The following LARGE1 variants were observed in gnomAD, a reference collection of about 807,000 sequenced individuals.
LARGE1 encodes the protein xylosyl- and glucuronyltransferase LARGE1.
Under a neutral mutation model 87.6 loss-of-function variants are expected in LARGE1, and 43 were observed. The observed-to-expected ratio is 0.49, with a 90% CI of 0.38 to 0.63. The LOEUF is 0.63. Ranked by LOEUF, LARGE1 falls within the 30% of genes least tolerant of loss-of-function variation. LARGE1 has a pLI of 0.00. For missense variants in LARGE1, 802 were observed against 1,000.2 expected (o/e 0.80, Z 2.67); for synonymous variants, 434 against 394.6 (o/e 1.10, Z -1.18).
chr22:33,586,944 TTAA>T (rs2078695994), intron 5 of LARGE1, among the ~76,000 whole-genome samples: 1 of 152,218 alleles, frequency 6.6e-6, no homozygotes, highest in Non-Finnish European at 1.5e-5. Context: ...AGGTAACATA[TTAA>T]ACACTGTCAT....
chr22:33,235,438 G>T (rs1032081345), intron 11 of LARGE1, among the ~76,000 whole-genome samples: 1 of 152,218 alleles, frequency 6.6e-6, no homozygotes, highest in South Asian at 2.1e-4. Flanking sequence ...GGAAGAGTTA[G>T]TTCCAAGGCC....
At chr22:33,547,053 C>CA (rs1311192238) in intron 6 of LARGE1, among the ~76,000 whole-genome samples, 1 of 118,772 alleles carries the variant, frequency 8.4e-6, no homozygotes, top group Non-Finnish European at 2.0e-5. Flanking sequence ...CCTTTTTAAG[C>CA]ATTTTTTTTT....
intron 5 of LARGE1, among the ~76,000 whole-genome samples, chr22:33,566,483 G>T (rs1329339372): frequency 6.6e-6 from 1 of 152,190 alleles, no homozygotes; most frequent in East Asian, 1.9e-4. Flanking sequence ...TCCTTCCGGG[G>T]GGTTCTTGGT....
At chr22:33,219,880 T>C (rs1274826637) in intron 11 of LARGE1, among the ~76,000 whole-genome samples, 1 of 152,084 alleles carries the variant, frequency 6.6e-6, no homozygotes, top group African/African-American at 2.4e-5. Flanking sequence ...TCCCCCACTG[T>C]CACAAGGGAC....
the LARGE1 span, among the ~76,000 whole-genome samples, chr22:33,080,912 A>G: frequency 6.6e-6 from 1 of 151,850 alleles, no homozygotes; most frequent in Non-Finnish European, 1.5e-5. Context: ...TCATCCATCC[A>G]TCCATCTATC....
intron 7 of LARGE1, among the ~76,000 whole-genome samples, chr22:33,419,208 AC>A (rs2066607391): frequency 6.6e-6 from 1 of 151,902 alleles, no homozygotes; most frequent in Non-Finnish European, 1.5e-5. Context: ...TCTCAGGAGA[AC>A]TCACTATCAC....
rs574822580 is a variant in LARGE1, at chr22:33,515,093, C to T, written c.787+49755G>A. ...AGAAAACAGTAGAGCCAAGAATGAA[C>T]CCCTCCCATTTCAGCAGGTGTAGCT... On this transcript the variant is annotated intron_variant, in intron 6 of 14. Coordinates refer to ENST00000397394, the MANE Select transcript of LARGE1 (RefSeq NM_133642.5). Among the ~76,000 whole-genome samples the T allele has an allele frequency of 2.0e-4, 31 of 151,320 alleles. No individual in the cohort carries two copies. The South Asian group carries it at 6.1e-3, about 30-fold the overall frequency.
chr22:33,242,051 A>G (rs183712384), intron 11 of LARGE1, among the ~76,000 whole-genome samples: 132 of 152,306 alleles, frequency 8.7e-4, no homozygotes, highest in African/African-American at 3.0e-3. Flanking sequence ...GAATATGTTG[A>G]CTAGCCTGAT....
chr22:33,375,901 C>A (rs1419271523), intron 9 of LARGE1, among the ~76,000 whole-genome samples: 2 of 152,168 alleles, frequency 1.3e-5, no homozygotes, highest in African/African-American at 2.4e-5. Context: ...GCACTTGCCA[C>A]CAGCTTAGCT....
intron 6 of LARGE1, among the ~76,000 whole-genome samples, chr22:33,523,768 T>C (rs115649586): frequency 0.017 from 2,512 of 152,210 alleles, 24 homozygotes; most frequent in Middle Eastern, 0.034. Flanking sequence ...TAGATGCATA[T>C]GAAATTGCAA....
At chr22:33,522,884 T>G (rs1458841512) in intron 6 of LARGE1, among the ~76,000 whole-genome samples, 3 of 151,522 alleles carry the variant, frequency 2.0e-5, no homozygotes, top group Admixed American at 6.6e-5. Flanking sequence ...GACACACACC[T>G]GTAGTCTCAG....
intron 11 of LARGE1, among the ~76,000 whole-genome samples, chr22:33,248,328 C>T (rs1179203227): frequency 6.6e-6 from 1 of 152,156 alleles, no homozygotes; most frequent in East Asian, 1.9e-4. Flanking sequence ...GCTAGGACCA[C>T]AGGTGCGTGC....
intron 6 of LARGE1, among the ~76,000 whole-genome samples, chr22:33,538,759 G>T (rs4820107): frequency 0.56 from 84,452 of 151,978 alleles, 23,849 homozygotes; most frequent in Admixed American, 0.65. Flanking sequence ...CAAGGAAGCC[G>T]TCTACAAGAG....
At chr22:33,763,616 C>T (rs1048408169) in intron 1 of LARGE1, among the ~76,000 whole-genome samples, 3 of 152,122 alleles carry the variant, frequency 2.0e-5, no homozygotes, top group African/African-American at 7.2e-5. Flanking sequence ...GGTTCAAGCC[C>T]AGATGCTGCA....
At chr22:33,816,678 A>ATAGATG (rs1569457171) in intron 1 of LARGE1, among the ~76,000 whole-genome samples, 4 of 49,512 alleles carry the variant, frequency 8.1e-5, no homozygotes, top group Non-Finnish European at 2.2e-4. Flanking sequence ...ATGGATGGAT[A>ATAGATG]GATAGATAGA....
chr22:33,198,310 A>G (rs1924182294), intron 11 of LARGE1, among the ~76,000 whole-genome samples: 1 of 138,992 alleles, frequency 7.2e-6, no homozygotes, highest in African/African-American at 2.8e-5. Flanking sequence ...AGACATCTGC[A>G]AGCTATGACA....
chr22:33,346,953 C>T (rs1939834169), intron 9 of LARGE1, among the ~76,000 whole-genome samples: 2 of 152,336 alleles, frequency 1.3e-5, no homozygotes, highest in Middle Eastern at 3.4e-3. Context: ...GTCCTCTTCT[C>T]ACTTCACTCA....
chr22:33,558,826 C>T (rs1007558222), intron 6 of LARGE1, among the ~76,000 whole-genome samples: 10 of 152,226 alleles, frequency 6.6e-5, no homozygotes, highest in African/African-American at 1.9e-4. Context: ...TATTGTACAG[C>T]CCCAATGGCT....
At chr22:33,627,616 C>G (rs2079963406) in intron 3 of LARGE1, among the ~76,000 whole-genome samples, 1 of 152,156 alleles carries the variant, frequency 6.6e-6, no homozygotes, top group Non-Finnish European at 1.5e-5. Flanking sequence ...ATATCTGGGT[C>G]CATCCCATAC....
Sources: allele counts gnomAD v4.1 joint callset (sites outside exome capture counted in the v4.1 genomes callset), GRCh38; gene constraint gnomAD v4.1.1; transcripts MANE v1.5; gene names NCBI Gene and HGNC (gene_info 2026-07-23, HGNC 2026-07-21).